The following MPP7 variants were observed in gnomAD, a reference collection of about 807,000 sequenced individuals.
MPP7 encodes the protein MAGUK p55 scaffold protein 7.
A neutral mutation model predicts 76.5 loss-of-function variants in MPP7; 60 were observed. The observed-to-expected ratio is 0.78, with a 90% CI of 0.64 to 0.97. The LOEUF is 0.97. MPP7 is among the 50% of genes least tolerant of loss of function. The pLI, the probability that MPP7 is intolerant of heterozygous loss-of-function variation, is 0.00. For missense variants in MPP7, 641 were observed against 694.0 expected, an observed-to-expected ratio of 0.92 and a Z score of 0.86; for synonymous variants, 237 against 244.5, an observed-to-expected ratio of 0.97 and a Z score of 0.29.
intron 11 of MPP7, among the ~76,000 whole-genome samples, chr10:28,105,536 C>T (rs1220220609): frequency 1.3e-5 from 2 of 152,186 alleles, no homozygotes; most frequent in East Asian, 3.9e-4. Context: ...GAGACAGAAT[C>T]TGGCTCTGTC....
chr10:28,253,729 C>T (rs972741542), intron 1 of MPP7, among the ~76,000 whole-genome samples: 21 of 152,112 alleles, frequency 1.4e-4, no homozygotes, highest in Admixed American at 1.0e-3. Flanking sequence ...GGCACGGTGG[C>T]TCATGCCTGT....
chr10:28,293,308 T>A (rs1840965519), intron 1 of MPP7, among the ~76,000 whole-genome samples: 1 of 152,224 alleles, frequency 6.6e-6, no homozygotes, highest in Non-Finnish European at 1.5e-5. Context: ...GATAGGATAT[T>A]CCACTGCATT....
chr10:28,271,409 T>G (rs1840321862), intron 1 of MPP7, among the ~76,000 whole-genome samples: 1 of 152,240 alleles, frequency 6.6e-6, no homozygotes, highest in Non-Finnish European at 1.5e-5. Context: ...CTTGTTGGTA[T>G]GCCAATCAAA....
At chr10:28,268,241 A>C (rs1387328458) in intron 1 of MPP7, among the ~76,000 whole-genome samples, 1 of 152,166 alleles carries the variant, frequency 6.6e-6, no homozygotes, top group Non-Finnish European at 1.5e-5. Context: ...CATCCGGCAG[A>C]AGGTACAAGA....
chr10:28,094,930 G>T (rs1853490896), intron 11 of MPP7, among the ~76,000 whole-genome samples: 1 of 151,982 alleles, frequency 6.6e-6, no homozygotes, highest in Non-Finnish European at 1.5e-5. Flanking sequence ...ACTCCAGCCT[G>T]GGCAACAGAG....
At chr10:28,296,789 TTTTG>T (rs1841046756) in intron 1 of MPP7, among the ~76,000 whole-genome samples, 1 of 152,216 alleles carries the variant, frequency 6.6e-6, no homozygotes, top group South Asian at 2.1e-4. Context: ...TCTTGGGTTT[TTTTG>T]TTTTTGTTTT....
chr10:28,067,030 C>T (rs558471313), intron 13 of MPP7, among the ~76,000 whole-genome samples: 8 of 152,170 alleles, frequency 5.3e-5, no homozygotes, highest in African/African-American at 1.9e-4. Flanking sequence ...TTTTGGTGAA[C>T]GTACTTATGC....
rs1377009041 is a variant in MPP7 at position 28,312,590 on chromosome 10, G to A, written c.-132+17339C>T. 2.0e-5 allele frequency among the ~76,000 whole-genome samples: 3 copies of A among 152,098 alleles called. No individual in the cohort carries two copies. The East Asian group carries it at 5.8e-4, about 29-fold the overall frequency. ...AACACTTTTTAGCCATACTCATTAA[G>A]AACAAAATACGTGAACACTTTGTAA... On this transcript the variant is annotated intron_variant, in intron 2 of 11. Coordinates refer to the MPP7 transcript ENST00000441595.
intron 13 of MPP7, among the ~76,000 whole-genome samples, chr10:28,069,284 T>G (rs1350182190): frequency 6.6e-6 from 1 of 152,216 alleles, no homozygotes; most frequent in African/African-American, 2.4e-5. Context: ...CTCCATGATG[T>G]GCTTATTTCA....
chr10:28,210,828 C>A (rs1345267405), intron 2 of MPP7, among the ~76,000 whole-genome samples: 1 of 152,192 alleles, frequency 6.6e-6, no homozygotes, highest in African/African-American at 2.4e-5. Flanking sequence ...ACTCTGTGAG[C>A]CGGTTCATTA....
chr10:28,120,499 T>A (rs1217190984), intron 9 of MPP7, 95 bp downstream of exon 9: 3 of 1,492,042 alleles, frequency 2.0e-6, no homozygotes, highest in Non-Finnish European at 2.8e-6. Context: ...ACTGGAATAT[T>A]GAAAGAAATG....
chr10:28,209,542 A>C (rs1165609231), intron 2 of MPP7, among the ~76,000 whole-genome samples: 1 of 151,420 alleles, frequency 6.6e-6, no homozygotes, highest in Non-Finnish European at 1.5e-5. Flanking sequence ...TTTGTTTTCG[A>C]TGTTCTTTCT....
In MPP7 at chr10:28,251,920, A is replaced by C. The variant is rs181595437; in HGVS notation, c.-131-13185T>G. On this transcript the variant is annotated intron_variant, in intron 1 of 16. Transcript: ENST00000683449. ...ATATATGTATACTTAACAACAACAA[A>C]AAAAAACTTTTTCCATTTGTTTCAC... Among the ~76,000 whole-genome samples the C allele has an allele frequency of 7.3e-3, 1,108 of 152,264 alleles. 6 individuals carry two copies. Among genetic ancestry groups the C allele is most frequent in the Non-Finnish European group, 0.01 (708 of 68,012 alleles).
At chr10:28,204,288 C>T (rs1019284065) in intron 2 of MPP7, among the ~76,000 whole-genome samples, 2 of 151,842 alleles carry the variant, frequency 1.3e-5, no homozygotes, top group Admixed American at 6.6e-5. Context: ...ACTAAAAATA[C>T]AAAAATTAGC....
intron 3 of MPP7, among the ~76,000 whole-genome samples, chr10:28,159,710 T>C (rs1438048272): frequency 1.3e-5 from 2 of 152,184 alleles, no homozygotes; most frequent in African/African-American, 4.8e-5. Context: ...CAGCTGATAC[T>C]TTCTTAGAGG....
chr10:28,248,955 T>A (rs1415019923), intron 1 of MPP7, among the ~76,000 whole-genome samples: 1 of 152,152 alleles, frequency 6.6e-6, no homozygotes, highest in African/African-American at 2.4e-5. Context: ...AAGCAACGTA[T>A]GACTTACAGA....
intron 3 of MPP7, among the ~76,000 whole-genome samples, chr10:28,152,309 G>C (rs1296331542): frequency 6.6e-6 from 1 of 152,084 alleles, no homozygotes; most frequent in African/African-American, 2.4e-5. Context: ...GTAACCCTGT[G>C]TTGCGTATGT....
chr10:28,189,369 C>A (rs976495174), intron 3 of MPP7, among the ~76,000 whole-genome samples: 1 of 151,652 alleles, frequency 6.6e-6, no homozygotes, highest in African/African-American at 2.4e-5. Flanking sequence ...TTGAGACCAG[C>A]CTAAGCAACA....
At chr10:28,069,718 A>C in intron 13 of MPP7, 54 bp downstream of exon 13, 1 of 1,368,150 alleles carries the variant, frequency 7.3e-7, no homozygotes, top group African/African-American at 1.5e-5. Flanking sequence ...TTTTTTAAAA[A>C]TTTAAAATTA....
Sources: allele counts gnomAD v4.1 joint callset (sites outside exome capture counted in the v4.1 genomes callset), GRCh38; gene constraint gnomAD v4.1.1; transcripts MANE v1.5; gene names NCBI Gene and HGNC (gene_info 2026-07-23, HGNC 2026-07-21).